Variants in INO80 observed in about 807,000 individuals in gnomAD.
INO80 encodes the protein chromatin-remodeling ATPase INO80.
A neutral mutation model predicts 203.4 loss-of-function variants in INO80; 20 were observed. That is an observed-to-expected ratio of 0.10 (90% confidence interval 0.07 to 0.14). The LOEUF is 0.14. INO80 is among the 10% of genes least tolerant of loss of function. The probability of loss-of-function intolerance (pLI) is 1.00; values close to 1 mark genes in which losing one functional copy is unlikely to be tolerated. For missense variants in INO80, 1,419 were observed against 1,914.4 expected, an observed-to-expected ratio of 0.74 and a Z score of 4.83; for synonymous variants, 726 against 685.2, an observed-to-expected ratio of 1.06 and a Z score of -0.93.
At chr15:41,018,482 G>C (rs1317521543) in intron 26 of INO80, 2 of 152,220 alleles carry the variant, frequency 1.3e-5, no homozygotes, top group Non-Finnish European at 2.9e-5. Flanking sequence ...CTGTCAGCTT[G>C]TTATCTTGTT....
intron 29 of INO80, among the ~76,000 whole-genome samples, chr15:40,991,290 A>G (rs1369161132): frequency 6.6e-6 from 1 of 152,202 alleles, no homozygotes; most frequent in Admixed American, 6.5e-5. Flanking sequence ...TTGTTTAGAA[A>G]AATACCTGTG....
chr15:41,066,831 G>GAAAAAAAAAAAACAAAAA (rs1566935870), intron 14 of INO80, among the ~76,000 whole-genome samples: 1 of 85,732 alleles, frequency 1.2e-5, no homozygotes, highest in Non-Finnish European at 2.3e-5. Flanking sequence ...ATGTCTCTAA[G>GAAAAAAAAAAAACAAAAA]AAAAAAAAAA....
At chr15:41,020,777 A>G (rs1355067273) in intron 26 of INO80, 123 bp downstream of exon 26, 2 of 620,140 alleles carry the variant, frequency 3.2e-6, no homozygotes, top group Admixed American at 3.0e-5. Context: ...TACTAAGGCC[A>G]AAAAAGGAAG....
intron 25 of INO80, among the ~76,000 whole-genome samples, chr15:41,026,185 G>A (rs747094088): frequency 6.6e-6 from 1 of 152,120 alleles, no homozygotes; most frequent in African/African-American, 2.4e-5. Context: ...AATAAAGAAC[G>A]CAAGCTGATA....
chr15:41,108,175 T>A (rs2045908161), intron 1 of INO80, among the ~76,000 whole-genome samples: 1 of 152,180 alleles, frequency 6.6e-6, no homozygotes, highest in Admixed American at 6.6e-5. Context: ...ACCATTACAG[T>A]ATCAAACAGA....
At chr15:41,052,566 G>C (rs1461695359) in intron 19 of INO80, among the ~76,000 whole-genome samples, 1 of 151,628 alleles carries the variant, frequency 6.6e-6, no homozygotes, top group Non-Finnish European at 1.5e-5. Flanking sequence ...CCAGCTACTA[G>C]GGAAGCTGAG....
At position 41,008,103 on chromosome 15, in the gene INO80, A is replaced by T. The variant is rs556425825; in HGVS notation, c.3403-2416T>A. On this transcript the variant is annotated intron_variant, in intron 27 of 35. Transcript: ENST00000648947. Reference sequence around the variant, plus strand: ...GTGGGAAGATCATCTGAGCCCAGGGAGTTTGAGGCTGCAGTGAGCCAAGAT... The same window carrying T: ...GTGGGAAGATCATCTGAGCCCAGGGTGTTTGAGGCTGCAGTGAGCCAAGAT... Among the ~76,000 whole-genome samples, 6 of 152,240 alleles carry T rather than the reference A, an allele frequency of 3.9e-5. No individual in the cohort carries two copies. In the East Asian group the frequency reaches 1.2e-3, roughly 29 times the overall value.
At chr15:41,023,787 A>T (rs1257837287) in intron 25 of INO80, among the ~76,000 whole-genome samples, 4 of 148,204 alleles carry the variant, frequency 2.7e-5, no homozygotes, top group Non-Finnish European at 5.9e-5. Context: ...AAAAAAACAA[A>T]ACAAAACGAA....
chr15:41,056,480 G>A (rs1020997524), intron 17 of INO80, 142 bp downstream of exon 17: 9 of 635,760 alleles, frequency 1.4e-5, no homozygotes, highest in African/African-American at 3.6e-5. Flanking sequence ...CCTAAAAGAC[G>A]ACTTGGGGCA....
At chr15:41,110,606 T>A (rs1267923069) in intron 1 of INO80, among the ~76,000 whole-genome samples, 3 of 152,148 alleles carry the variant, frequency 2.0e-5, no homozygotes, top group Non-Finnish European at 4.4e-5. Context: ...ACCCGGCTAA[T>A]TTTTTGTAGA....
intron 27 of INO80, among the ~76,000 whole-genome samples, chr15:41,006,452 A>C (rs1408511630): frequency 6.6e-6 from 1 of 152,236 alleles, no homozygotes; most frequent in Non-Finnish European, 1.5e-5. Flanking sequence ...ATTTATAAGA[A>C]ACAGCATAAA....
chr15:41,051,128 C>CAAAAAAAAA lies in INO80; in HGVS notation c.2275-1035_2275-1027dup, dbSNP rs368535813. Among the ~76,000 whole-genome samples the CAAAAAAAAA allele has an allele frequency of 2.7e-4, 21 of 78,494 alleles. 1 individual carries two copies. The highest frequency in any genetic ancestry group is 4.1e-4 in the African/African-American group (6 of 14,800). 51.5% of individuals were successfully genotyped at this position (78,494 alleles called of 152,430 possible). ...TGGGTGACAGAATGAGACTCCATCT[C>CAAAAAAAAA]AAAAAAAAAAAAAAAGAAAGTTCTC... On this transcript the variant is annotated intron_variant, in intron 19 of 35. Transcript: ENST00000648947.
At chr15:41,046,543 G>A (rs995020966) in intron 23 of INO80, among the ~76,000 whole-genome samples, 2 of 150,232 alleles carry the variant, frequency 1.3e-5, no homozygotes, top group Admixed American at 6.6e-5. Context: ...GATATATTAT[G>A]AAGCATCATA....
Position 40,987,083 on chromosome 15 carries a change from G to C in INO80, c.3832+8C>G, listed in dbSNP as rs1469812688. 1.3e-6 allele frequency: 2 copies of C among 1,525,798 alleles called. No homozygotes were observed. The highest frequency in any genetic ancestry group is 2.2e-5 in the South Asian group (2 of 89,160). The allele number at this position is 1,525,798 out of a possible 1,614,324, so 94.5% of individuals were successfully genotyped here. ...TGAGGGGAGTGTATAGAGGTTTAGAGTACATACGTTTCTTCTCCAACTCTT... is the reference window on the plus strand; with the variant it reads ...TGAGGGGAGTGTATAGAGGTTTAGACTACATACGTTTCTTCTCCAACTCTT... On this transcript the variant is annotated splice_region_variant and intron_variant, in intron 31 of 35. Transcript: ENST00000648947.
At chr15:40,986,790 T>A (rs2043741286) in intron 31 of INO80, among the ~76,000 whole-genome samples, 2 of 152,026 alleles carry the variant, frequency 1.3e-5, no homozygotes, top group South Asian at 4.1e-4. Context: ...CATGCCCAAC[T>A]AATTTTTTGT....
In INO80 at chr15:41,036,156, GAAAAAAAAAAA is replaced by G. The variant is rs369185302; in HGVS notation, c.2908-8431_2908-8421del. Among the ~76,000 whole-genome samples, 20 of 32,142 alleles carry G rather than the reference GAAAAAAAAAAA, an allele frequency of 6.2e-4. No individual in the cohort carries two copies. In the South Asian group the frequency reaches 6.5e-3, roughly 10 times the overall value. The allele number at this position is 32,142 out of a possible 152,430, so 21.1% of individuals were successfully genotyped here. On this transcript the variant is annotated intron_variant, in intron 24 of 35. Coordinates refer to ENST00000648947, the MANE Select transcript of INO80 (RefSeq NM_017553.3). ...GGGCAACAGAGTGCAACTCTCTCTC[GAAAAAAAAAAA>G]AAAAAAAAAAAAAAAAAACCCAAAA...
chr15:41,018,278 G>A (rs2044240199), intron 26 of INO80: 1 of 152,162 alleles, frequency 6.6e-6, no homozygotes, highest in Admixed American at 6.5e-5. Flanking sequence ...TTTTATGTCT[G>A]AATTTTGAGA....
chr15:41,091,351 C>T (rs1404298510), intron 5 of INO80, among the ~76,000 whole-genome samples: 1 of 152,194 alleles, frequency 6.6e-6, no homozygotes. Flanking sequence ...TGAGCCACCG[C>T]ACCCAGTCAG....
intron 27 of INO80, among the ~76,000 whole-genome samples, chr15:41,008,230 C>T (rs2044079905): frequency 1.4e-5 from 2 of 142,824 alleles, no homozygotes; most frequent in Non-Finnish European, 3.1e-5. Flanking sequence ...TACATACACA[C>T]ACACACACAC....
Sources: allele counts gnomAD v4.1 joint callset (sites outside exome capture counted in the v4.1 genomes callset), GRCh38; gene constraint gnomAD v4.1.1; transcripts MANE v1.5; gene names NCBI Gene and HGNC (gene_info 2026-07-23, HGNC 2026-07-21).